The following SLC2A12 variants were observed in gnomAD, a reference collection of about 807,000 sequenced individuals.
SLC2A12 encodes the protein solute carrier family 2, facilitated glucose transporter member 12.
In SLC2A12, 23 loss-of-function variants were observed where a neutral mutation model predicts 41.8. The ratio of observed to expected loss-of-function variants is 0.55; its 90% CI spans 0.40 to 0.78. SLC2A12 has a LOEUF of 0.78. Ranked by LOEUF, SLC2A12 falls within the 30% of genes least tolerant of loss-of-function variation. The pLI is 0.00. For synonymous variants in SLC2A12, 295 were observed against 285.9 expected (o/e 1.03, Z -0.32); for missense variants, 654 against 745.6 (o/e 0.88, Z 1.43).
At position 134,052,444 on chromosome 6, in the gene SLC2A12, G is replaced by A. The variant is rs139294742; in HGVS notation, c.37C>T (p.Leu13=). ...PVENTEGPSL[L]NQKGTAVETE... ...TCCACGGCTGTCCCCTTCTGGTTCA[G>A]CAGACTGGGGCCCTCGGTGTTTTCA... Residue 13 remains leucine (L), a synonymous_variant, in exon 1 of 5, where the codon CTG becomes TTG. Transcript: ENST00000275230. 4.6e-5 allele frequency: 75 copies of A among 1,613,454 alleles called. No homozygotes were observed. The African/African-American group carries it at 9.6e-4, about 21-fold the overall frequency.
At chr6:134,048,508 G>T (rs1773612699) in intron 1 of SLC2A12, among the ~76,000 whole-genome samples, 1 of 152,158 alleles carries the variant, frequency 6.6e-6, no homozygotes, top group Admixed American at 6.5e-5. Context: ...GGCAGAGGTT[G>T]CAGTGAGCCA....
intron 2 of SLC2A12, among the ~76,000 whole-genome samples, chr6:134,007,164 C>T (rs2114434180): frequency 1.3e-5 from 2 of 152,352 alleles, no homozygotes; most frequent in East Asian, 3.9e-4. Flanking sequence ...GCCATGGTCC[C>T]CATGCATAGG....
At chr6:133,995,927 C>T (rs1776681551) in intron 4 of SLC2A12, among the ~76,000 whole-genome samples, 1 of 152,190 alleles carries the variant, frequency 6.6e-6, no homozygotes, top group Non-Finnish European at 1.5e-5. Context: ...TTTTTTCTGT[C>T]TGGATTTACT....
chr6:134,007,355 C>G (rs930575594), intron 2 of SLC2A12, among the ~76,000 whole-genome samples: 1 of 152,202 alleles, frequency 6.6e-6, no homozygotes, highest in Non-Finnish European at 1.5e-5. Flanking sequence ...TTCCTCAGCT[C>G]TCTCCCCCTG....
At chr6:133,994,571 CA>C (rs1480538447) in intron 4 of SLC2A12, among the ~76,000 whole-genome samples, 1 of 151,874 alleles carries the variant, frequency 6.6e-6, no homozygotes, top group African/African-American at 2.4e-5. Flanking sequence ...ACTAAAAATA[CA>C]AAAAAATTAG....
intron 1 of SLC2A12, among the ~76,000 whole-genome samples, chr6:134,050,308 A>G (rs1220595101): frequency 6.6e-6 from 1 of 152,234 alleles, no homozygotes; most frequent in African/African-American, 2.4e-5. Context: ...AATGCAGATT[A>G]TGTATAGCAC....
chr6:134,049,762 G>C (rs1410867639), intron 1 of SLC2A12, among the ~76,000 whole-genome samples: 1 of 152,212 alleles, frequency 6.6e-6, no homozygotes, highest in Admixed American at 6.5e-5. Context: ...CAGTTAAAGA[G>C]GGTTAGTCAA....
intron 1 of SLC2A12, 58 bp from the exon 2 acceptor site, chr6:134,029,779 T>C (rs1293801324): frequency 1.3e-6 from 2 of 1,522,534 alleles, no homozygotes; most frequent in Non-Finnish European, 1.7e-6. Flanking sequence ...TTAAACATTT[T>C]GTATTTGAGC....
chr6:133,992,815 T>C (rs978293330), intron 4 of SLC2A12, among the ~76,000 whole-genome samples: 2 of 151,952 alleles, frequency 1.3e-5, no homozygotes, highest in African/African-American at 4.8e-5. Context: ...GAGAGATGAG[T>C]GGTTAGAGGG....
chr6:134,006,837 G>A lies in SLC2A12; in HGVS notation c.1542C>T (p.Ile514=), dbSNP rs772636347. ...SSMNWGINLL[I]SLTFLTVTDL... is the part of the protein sequence containing the mutation. Reference sequence around the variant, plus strand: ...CAGTTACAGTCAAAAATGTCAGCGAGATGAGGAGATTGATGCCCCAGTTCA... The same window carrying A: ...CAGTTACAGTCAAAAATGTCAGCGAAATGAGGAGATTGATGCCCCAGTTCA... Residue 514 remains isoleucine, a synonymous_variant, in exon 3 of 5, where the codon ATC becomes ATT. Transcript: ENST00000275230. 2 of 1,614,160 alleles carry A rather than the reference G, an allele frequency of 1.2e-6. No homozygotes were observed. The highest frequency in any genetic ancestry group is 1.7e-6 in the Non-Finnish European group (2 of 1,180,026).
chr6:134,032,444 A>T lies in SLC2A12; in HGVS notation c.104-2723T>A, dbSNP rs1367603454. ...TATATATTTATATATATATATATAT[A>T]TATAAATATATATATATATATTTTT... On this transcript the variant is annotated intron_variant, in intron 1 of 4. Coordinates refer to ENST00000275230, the MANE Select transcript of SLC2A12 (RefSeq NM_145176.3). Among the ~76,000 whole-genome samples, 16 of 38,328 alleles carry T rather than the reference A, an allele frequency of 4.2e-4. 1 individual carries two copies. Among genetic ancestry groups the T allele is most frequent in the African/African-American group, 1.8e-3 (15 of 8,188 alleles). 25.1% of individuals were successfully genotyped at this position (38,328 alleles called of 152,430 possible). A position where few individuals can be genotyped will look rare whatever the true frequency, so the allele number is the denominator to read the frequency against.
intron 2 of SLC2A12, among the ~76,000 whole-genome samples, chr6:134,021,984 G>C (rs1415125385): frequency 6.6e-6 from 1 of 152,150 alleles, no homozygotes; most frequent in Non-Finnish European, 1.5e-5. Context: ...CACAACCCCA[G>C]GGAGCATCAT....
chr6:134,007,054 A>AGAG (rs10647952), intron 2 of SLC2A12, 120 bp from the exon 3 acceptor site: 2 of 1,435,196 alleles, frequency 1.4e-6, no homozygotes, highest in Non-Finnish European at 1.9e-6. Context: ...GTTGGGAAGC[A>AGAG]CCATTTCCTA....
intron 1 of SLC2A12, among the ~76,000 whole-genome samples, chr6:134,043,182 A>G (rs1277931527): frequency 6.6e-6 from 1 of 152,176 alleles, no homozygotes; most frequent in Non-Finnish European, 1.5e-5. Context: ...GGCTGCTGTC[A>G]TCTAAGAATG....
At chr6:134,018,011 T>C (rs1776986839) in intron 2 of SLC2A12, among the ~76,000 whole-genome samples, 1 of 152,092 alleles carries the variant, frequency 6.6e-6, no homozygotes, top group Non-Finnish European at 1.5e-5. Context: ...GATTGAACTA[T>C]GTTTCTCAAA....
intron 1 of SLC2A12, among the ~76,000 whole-genome samples, chr6:134,044,944 G>A (rs892270620): frequency 6.6e-6 from 1 of 152,148 alleles, no homozygotes; most frequent in African/African-American, 2.4e-5. Context: ...ATTGCAATCA[G>A]CCTTCATGGT....
Position 133,988,506 on chromosome 6 carries a change from A to G in SLC2A12, c.*2649T>C, listed in dbSNP as rs946071684. ...TTTAAACCTTTGTGGAAAAATTGCA[A>G]CATCCTAATCTCCATATATAGTACA... is the stretch of plus-strand genomic sequence containing the variant. On this transcript the variant is annotated 3_prime_UTR_variant, in exon 5 of 5. Transcript: ENST00000275230. 6.6e-6 allele frequency: 1 copy of G among 152,224 alleles called. No homozygotes were observed. The highest frequency in any genetic ancestry group is 2.4e-5 in the African/African-American group (1 of 41,468). 9.4% of individuals were successfully genotyped at this position (152,224 alleles called of 1,614,324 possible). A position where few individuals can be genotyped will look rare whatever the true frequency, so the allele number is the denominator to read the frequency against.
intron 2 of SLC2A12, among the ~76,000 whole-genome samples, chr6:134,018,540 AC>A (rs1490908391): frequency 1.3e-5 from 2 of 151,572 alleles, no homozygotes; most frequent in African/African-American, 4.9e-5. Flanking sequence ...CTGCTTCAAG[AC>A]CCCCTCCTCC....
chr6:134,004,553 G>A (rs896468178), intron 3 of SLC2A12, among the ~76,000 whole-genome samples: 1 of 151,946 alleles, frequency 6.6e-6, no homozygotes, highest in South Asian at 2.1e-4. Flanking sequence ...ATGAAATGAA[G>A]AAATTAGGTT....
Sources: allele counts gnomAD v4.1 joint callset (sites outside exome capture counted in the v4.1 genomes callset), GRCh38; gene constraint gnomAD v4.1.1; transcripts MANE v1.5; gene names NCBI Gene and HGNC (gene_info 2026-07-23, HGNC 2026-07-21).